AKAP8: variants seen among roughly 807,000 people sequenced by gnomAD.
The protein encoded by AKAP8 is A-kinase anchoring protein 8, also known as A-kinase anchor protein 8.
AKAP8 carries 24 observed loss-of-function variants against 67.5 expected under a neutral mutation model. The ratio of observed to expected loss-of-function variants is 0.36; its 90% confidence interval spans 0.26 to 0.50. The LOEUF is 0.50. Ranked by LOEUF, AKAP8 falls within the 20% of genes least tolerant of loss-of-function variation. AKAP8 has a pLI of 0.97. For missense variants in AKAP8, 971 were observed against 955.9 expected (o/e 1.02, Z -0.21); for synonymous variants, 400 against 371.1 (o/e 1.08, Z -0.90).
At chr19:15,357,128 T>C (rs1410136310) in intron 13 of AKAP8, among the ~76,000 whole-genome samples, 1 of 151,722 alleles carries the variant, frequency 6.6e-6, no homozygotes, top group Admixed American at 6.6e-5. Context: ...TGGCTAATTT[T>C]TTTTTTATTT....
Position 15,375,642 on chromosome 19 carries a change from G to GTT in AKAP8, c.59-1009_59-1008dup, listed in dbSNP as rs58762120. On this transcript the variant is annotated intron_variant, in intron 2 of 13. Transcript: ENST00000269701. ...CACACCAATGCAAGATTTTTTTTTT[G>GTT]TTTTTTTTTTTTGAGATGGAGTCTC... is the stretch of plus-strand genomic sequence containing the variant. 4.8e-3 allele frequency among the ~76,000 whole-genome samples: 685 copies of GTT among 142,288 alleles called. 3 individuals carry two copies. Among genetic ancestry groups the GTT allele is most frequent in the African/African-American group, 8.6e-3 (328 of 38,278 alleles). The allele number at this position is 142,288 out of a possible 152,430, so 93.3% of individuals were successfully genotyped here. A position where few individuals can be genotyped will look rare whatever the true frequency, so the allele number is the denominator to read the frequency against.
chr19:15,368,544 C>T (rs1967105527), intron 8 of AKAP8: 2 of 985,176 alleles, frequency 2.0e-6, no homozygotes, highest in Admixed American at 6.2e-5. Context: ...CCCACATGGC[C>T]TGAGGCGGCC....
chr19:15,360,854 G>A lies in AKAP8; in HGVS notation c.1521C>T (p.Asn507=). 6.2e-7 allele frequency: 1 copy of A among 1,612,976 alleles called. No individual in the cohort carries two copies. The highest frequency in any genetic ancestry group is 1.1e-5 in the South Asian group (1 of 90,920). The change falls in exon 12 of 14, where the codon AAC becomes AAT. Residue 507 remains asparagine, a synonymous_variant. Coordinates refer to ENST00000269701, the MANE Select transcript of AKAP8 (RefSeq NM_005858.4). ...TGTGGGGAGGAAGACTCACCCTGCG[G>A]TTGTGATTGTGGTCCACGGAGTGCA... The part of the protein sequence containing the change: ...RHLHSVDHNH[N]RRLAAEQFKK...
At chr19:15,362,949 T>C (rs555978386) in intron 9 of AKAP8, among the ~76,000 whole-genome samples, 99 of 150,258 alleles carry the variant, frequency 6.6e-4, no homozygotes, top group African/African-American at 2.4e-3. Flanking sequence ...ATCTGGGAAG[T>C]GAGGAGCGTC....
chr19:15,356,981 C>CG (rs1966892823), intron 13 of AKAP8, among the ~76,000 whole-genome samples: 1 of 151,932 alleles, frequency 6.6e-6, no homozygotes, highest in South Asian at 2.1e-4. Flanking sequence ...TTTTTTGAGA[C>CG]GGAGTCTTGG....
Position 15,371,897 on chromosome 19 carries a change from T to C in AKAP8, c.1038+55A>G, listed in dbSNP as rs373210028. On this transcript the variant is annotated intron_variant, in intron 7 of 13. Transcript: ENST00000269701. ...CCTGCCCCTTTGTGAGGAAGGGTGA[T>C]TAAAGAAAGAAGAAATCCCACACTA... 6.1e-5 allele frequency: 97 copies of C among 1,588,086 alleles called. 1 individual carries two copies. Among genetic ancestry groups the C allele is most frequent in the East Asian group, 5.8e-4 (26 of 44,716 alleles).
At chr19:15,363,731 GA>G (rs1364698739) in intron 9 of AKAP8, among the ~76,000 whole-genome samples, 1 of 152,234 alleles carries the variant, frequency 6.6e-6, no homozygotes, top group African/African-American at 2.4e-5. Flanking sequence ...GAAAGGTGGG[GA>G]AAAGATTGAG....
intron 2 of AKAP8, among the ~76,000 whole-genome samples, chr19:15,376,754 C>T (rs1212888781): frequency 6.6e-6 from 1 of 152,218 alleles, no homozygotes; most frequent in Non-Finnish European, 1.5e-5. Flanking sequence ...TAAGTAACTA[C>T]TGGCATTGTC....
intron 2 of AKAP8, among the ~76,000 whole-genome samples, chr19:15,376,537 G>A (rs1399241270): frequency 6.6e-6 from 1 of 152,146 alleles, no homozygotes; most frequent in African/African-American, 2.4e-5. Flanking sequence ...TACAGGTGTA[G>A]TGTACACTCA....
chr19:15,359,130 G>T, intron 12 of AKAP8, 68 bp from the exon 13 acceptor site: 1 of 1,419,204 alleles, frequency 7.0e-7, no homozygotes, highest in Non-Finnish European at 9.9e-7. Context: ...AACCAGCCAG[G>T]CTCTGCCGAG....
Position 15,373,301 on chromosome 19 carries a change from C to A in AKAP8, c.411G>T (p.Arg137Ser), listed in dbSNP as rs1224492328. The A allele has an allele frequency of 6.2e-7, 1 of 1,613,022 alleles. No homozygotes were observed. Among genetic ancestry groups the A allele is most frequent in the Non-Finnish European group, 8.5e-7 (1 of 1,179,754 alleles). ...RFQPFESYDS[R>S]PCLPEHNPYR... is the part of the protein sequence containing the mutation. Reference sequence around the variant, plus strand: ...AGGGGTTGTGCTCCGGCAGGCAGGGCCTGGAGTCATAGGACTCGAACGGCT... The same window carrying A: ...AGGGGTTGTGCTCCGGCAGGCAGGGACTGGAGTCATAGGACTCGAACGGCT... Residue 137 changes from arginine to serine, a missense_variant, in exon 5 of 14, where the codon AGG (arginine) becomes AGT (serine). Coordinates refer to ENST00000269701, the MANE Select transcript of AKAP8 (RefSeq NM_005858.4).
Position 15,372,858 on chromosome 19 carries a change from C to G in AKAP8, c.854G>C (p.Arg285Pro). Reference sequence around the variant, plus strand: ...AACCTTGCGAGGGCTTACCCGATCCCGATCCCGCATCCGAGGCTGCGAGCG... The same window carrying G: ...AACCTTGCGAGGGCTTACCCGATCCGGATCCCGCATCCGAGGCTGCGAGCG... ...CGRSQPRMRD[R>P]DRPKRRGFDR... Residue 285 changes from arginine (R) to proline (P), a missense_variant, in exon 5 of 14, where the codon CGG becomes CCG. Arg to Pro is a moderately radical substitution (Grantham distance 103, BLOSUM62 -2). Around this residue, in one of 3 missense-constraint regions of AKAP8, gnomAD observed 763 missense variants for 745.4 expected, o/e 1.02. Transcript: ENST00000269701. 1.3e-6 allele frequency: 2 copies of G among 1,500,512 alleles called. No homozygotes were observed. Among genetic ancestry groups the G allele is most frequent in the South Asian group, 1.4e-5 (1 of 72,874 alleles). The allele number at this position is 1,500,512 out of a possible 1,614,324, so 92.9% of individuals were successfully genotyped here. A position where few individuals can be genotyped will look rare whatever the true frequency, so the allele number is the denominator to read the frequency against.
At chr19:15,378,043 GAAC>G (rs1163740389) in intron 1 of AKAP8, among the ~76,000 whole-genome samples, 1 of 152,068 alleles carries the variant, frequency 6.6e-6, no homozygotes, top group African/African-American at 2.4e-5. Flanking sequence ...TCCCTCACCA[GAAC>G]AACTCCCCCG....
rs140732196 is a variant in AKAP8, at chr19:15,355,185, C to T, written c.1809G>A (p.Pro603=). The T allele has an allele frequency of 8.1e-6, 13 of 1,611,988 alleles. No individual in the cohort carries two copies. Among genetic ancestry groups the T allele is most frequent in the African/African-American group, 8.0e-5 (6 of 75,042 alleles). The change falls in exon 14 of 14, where the codon CCG becomes CCA. Residue 603 remains proline (P), a synonymous_variant. Coordinates refer to ENST00000269701, the MANE Select transcript of AKAP8 (RefSeq NM_005858.4). ...TGTCCGTGGGGCCTTCGTCCTCAGC[C>T]GGCTCCCCGCTGCTCTCTGGAGCGG... ...GAPAPESSGE[P]AEDEGPTDTA...
rs145842466 is a variant in AKAP8, at chr19:15,354,929, C to T, written c.2065G>A (p.Val689Ile). The part of the protein sequence containing the change: ...EQTDAESKDA[V>I]PTE ...GGAAATGAGCATCATTCTGTGGGAA[C>T]AGCGTCTTTAGACTCTGCATCAGTT... Residue 689 changes from valine (V) to isoleucine (I), a missense_variant, in exon 14 of 14, where the codon GTT becomes ATT. By Grantham distance (29) the Val-to-Ile change is conservative. This residue lies in a region of AKAP8 where 204 missense variants were observed against 193.0 expected (regional missense o/e 1.06). Transcript: ENST00000269701. The T allele has an allele frequency of 2.0e-5, 33 of 1,613,802 alleles. No individual in the cohort carries two copies. The African/African-American group carries it at 4.1e-4, about 20-fold the overall frequency.
chr19:15,361,114 T>C (rs1966957807), intron 11 of AKAP8, 136 bp from the exon 12 acceptor site: 3 of 1,146,916 alleles, frequency 2.6e-6, no homozygotes, highest in Non-Finnish European at 3.6e-6. Flanking sequence ...ATGGGGAGTA[T>C]GGGTCAGCAC....
chr19:15,359,026 C>A lies in AKAP8; in HGVS notation c.1564G>T (p.Val522Leu). Residue 522 changes from valine to leucine, a missense_variant, in exon 13 of 14, where the codon GTG (valine) becomes TTG (leucine). Physicochemically the swap from Val to Leu is conservative, Grantham distance 32. Coordinates refer to ENST00000269701, the MANE Select transcript of AKAP8 (RefSeq NM_005858.4). ...CTGTTGTTCAAAACACTCTTAGCCA[C>A]ATGGAGACTGGTTTTCTTGAACTGT... is the stretch of plus-strand genomic sequence containing the variant. The part of the protein sequence containing the change: ...AEQFKKTSLH[V>L]AKSVLNNRHI... The A allele has an allele frequency of 6.2e-7, 1 of 1,614,224 alleles. No individual in the cohort carries two copies.
At chr19:15,376,538 T>C (rs1238930653) in intron 2 of AKAP8, among the ~76,000 whole-genome samples, 1 of 152,090 alleles carries the variant, frequency 6.6e-6, no homozygotes, top group Non-Finnish European at 1.5e-5. Context: ...ACAGGTGTAG[T>C]GTACACTCAG....
chr19:15,362,092 G>A lies in AKAP8; in HGVS notation c.1302+18C>T, dbSNP rs748324933. 2 of 1,613,094 alleles carry A rather than the reference G, an allele frequency of 1.2e-6. No individual in the cohort carries two copies. Among genetic ancestry groups the A allele is most frequent in the South Asian group, 2.2e-5 (2 of 91,060 alleles). ...GGATGGGCAAGAGACGCGGTGACGG[G>A]GCCCAGGTTTCCTTTACCTGGAGGA... is the stretch of plus-strand genomic sequence containing the variant. On this transcript the variant is annotated intron_variant, in intron 10 of 13. Transcript: ENST00000269701.
Sources: allele counts gnomAD v4.1 joint callset (sites outside exome capture counted in the v4.1 genomes callset), GRCh38; gene constraint gnomAD v4.1.1; regional missense constraint gnomAD v4.1.1; transcripts MANE v1.5; gene names NCBI Gene and HGNC (gene_info 2026-07-23, HGNC 2026-07-21).